FAT2: variants seen among roughly 807,000 people sequenced by gnomAD.
FAT2 encodes FAT atypical cadherin 2, also known as protocadherin Fat 2.
In FAT2, 150 loss-of-function variants were observed where a neutral mutation model predicts 295.3. The observed-to-expected ratio is 0.51, with a 90% CI of 0.44 to 0.58. FAT2 has a LOEUF of 0.58. Among genes scored for constraint, FAT2 ranks in the 20% least tolerant of loss-of-function variants. FAT2 has a pLI of 0.00. For synonymous variants in FAT2, 2,026 were observed against 2,150.3 expected, an observed-to-expected ratio of 0.94 and a Z score of 1.60; for missense variants, 4,868 against 5,442.7, an observed-to-expected ratio of 0.89 and a Z score of 3.32.
intron 18 of FAT2, among the ~76,000 whole-genome samples, chr5:151,523,200 T>C (rs955661593): frequency 6.6e-6 from 1 of 152,182 alleles, no homozygotes; most frequent in African/African-American, 2.4e-5. Flanking sequence ...GAGATATTAA[T>C]AGCAACAATA....
intron 17 of FAT2, among the ~76,000 whole-genome samples, chr5:151,526,635 C>T (rs968266114): frequency 2.6e-5 from 4 of 152,142 alleles, no homozygotes; most frequent in African/African-American, 4.8e-5. Flanking sequence ...TGTGGACTGG[C>T]GATATTCTCA....
Position 151,507,392 on chromosome 5 carries a change from A to G in FAT2, c.12279T>C (p.Val4093=). The G allele has an allele frequency of 6.2e-7, 1 of 1,614,178 alleles. No individual in the cohort carries two copies. The highest frequency in any genetic ancestry group is 8.5e-7 in the Non-Finnish European group (1 of 1,180,020). The stretch of plus-strand genomic sequence containing the variant: ...CGATGGCAGGCATGGCTTGGGTGTC[A>G]ACACCAACACTCCTGGCCAGGAGGT... ...DPDLLARSVG[V]DTQAMPAIEL... Residue 4093 remains valine (V), a synonymous_variant, in exon 23 of 24, where the codon GTT becomes GTC. Coordinates refer to ENST00000261800, the MANE Select transcript of FAT2 (RefSeq NM_001447.3).
chr5:151,576,465 T>C (rs1758750148), intron 1 of FAT2, among the ~76,000 whole-genome samples: 1 of 152,234 alleles, frequency 6.6e-6, no homozygotes, highest in African/African-American at 2.4e-5. Flanking sequence ...TAAACATCTT[T>C]TCAGGAATGA....
In FAT2 at chr5:151,538,028, A is replaced by G. The variant is rs1308713532; in HGVS notation, c.9040-82T>C. 1.4e-5 allele frequency: 18 copies of G among 1,278,726 alleles called. No individual in the cohort carries two copies. The South Asian group carries it at 2.5e-4, about 18-fold the overall frequency. The allele number at this position is 1,278,726 out of a possible 1,614,324, so 79.2% of individuals were successfully genotyped here. A position where few individuals can be genotyped will look rare whatever the true frequency, so the allele number is the denominator to read the frequency against. On this transcript the variant is annotated intron_variant, in intron 11 of 23. Coordinates refer to ENST00000261800, the MANE Select transcript of FAT2 (RefSeq NM_001447.3). ...GAGAAGCAGAGTGACTGACTGAGGG[A>G]GGCAGAAGCAGAAAGAGAGACACTA...
intron 18 of FAT2, among the ~76,000 whole-genome samples, chr5:151,522,768 T>G (rs1422693879): frequency 6.6e-6 from 1 of 152,064 alleles, no homozygotes; most frequent in South Asian, 2.1e-4. Context: ...TGTAAGGTCC[T>G]GGGGTAGGAA....
At chr5:151,593,525 C>A (rs944704317), upstream of FAT2, among the ~76,000 whole-genome samples, 1 of 152,190 alleles carries the variant, frequency 6.6e-6, no homozygotes, top group Non-Finnish European at 1.5e-5. Flanking sequence ...CCTCCAGTCT[C>A]CCATGCACCA....
chr5:151,569,378 A>C (rs1758435200), intron 1 of FAT2, among the ~76,000 whole-genome samples: 1 of 152,154 alleles, frequency 6.6e-6, no homozygotes, highest in African/African-American at 2.4e-5. Flanking sequence ...AAACCATCAG[A>C]TCTCATGAGA....
At position 151,543,493 on chromosome 5, in the gene FAT2, C is replaced by T. The variant is rs774301117; in HGVS notation, c.7634G>A (p.Arg2545Gln). ...GQIATLQKLDRENSTERVIAI... is the reference protein window; with the variant it reads ...GQIATLQKLDQENSTERVIAI... ...AATGACTCTCTCTGTTGAATTTTCC[C>T]GATCCAGTTTCTGCAGAGTGGCAAT... is the stretch of plus-strand genomic sequence containing the variant. The change falls in exon 10 of 24, where the codon CGG becomes CAG. Residue 2545 changes from arginine (R) to glutamine (Q), a missense_variant. Transcript: ENST00000261800. 9 of 1,614,152 alleles carry T rather than the reference C, an allele frequency of 5.6e-6. No homozygotes were observed. The highest frequency in any genetic ancestry group is 7.6e-6 in the Non-Finnish European group (9 of 1,180,022).
At chr5:151,526,847 C>T (rs887621420) in intron 17 of FAT2, among the ~76,000 whole-genome samples, 2 of 152,200 alleles carry the variant, frequency 1.3e-5, no homozygotes, top group Non-Finnish European at 2.9e-5. Context: ...AAGGCCCTCT[C>T]CAAATCCTAT....
intron 2 of FAT2, 27 bp downstream of exon 2, chr5:151,565,646 C>T: frequency 6.6e-7 from 1 of 1,513,840 alleles, no homozygotes. Flanking sequence ...CTGGCCCTGG[C>T]ACCCCACCCT....
intron 20 of FAT2, among the ~76,000 whole-genome samples, chr5:151,517,089 CAG>C (rs941723793): frequency 7.1e-6 from 1 of 140,922 alleles, no homozygotes; most frequent in Non-Finnish European, 1.5e-5. Flanking sequence ...GCCTCGGTGA[CAG>C]AGAGAGACTC....
In FAT2 at chr5:151,553,386, A is replaced by G. The variant is rs2127627982; in HGVS notation, c.3947T>C (p.Ile1316Thr). 2 of 1,613,982 alleles carry G rather than the reference A, an allele frequency of 1.2e-6. No individual in the cohort carries two copies. Among genetic ancestry groups the G allele is most frequent in the Non-Finnish European group, 1.7e-6 (2 of 1,179,938 alleles). Residue 1316 changes from isoleucine (I) to threonine (T), a missense_variant and splice_region_variant, in exon 6 of 24, where the codon ATC becomes ACC. Ile to Thr is a moderately conservative substitution (Grantham distance 89). Coordinates refer to ENST00000261800, the MANE Select transcript of FAT2 (RefSeq NM_001447.3). ...TGGCTGCCCACTGTCTGTTGCCTTG[A>G]TCTGAAAGGAGGCCAACACCAAAAC... ...FTAGEYNILT[I>T]KATDSGQPPL...
At position 151,529,161 on chromosome 5, in the gene FAT2, A is replaced by T. The variant is rs758176657; in HGVS notation, c.10026+17T>A. The T allele has an allele frequency of 1.7e-5, 28 of 1,610,658 alleles. No homozygotes were observed. Among genetic ancestry groups the T allele is most frequent in the Non-Finnish European group, 2.2e-5 (26 of 1,177,110 alleles). On this transcript the variant is annotated intron_variant, in intron 15 of 23. Coordinates refer to ENST00000261800, the MANE Select transcript of FAT2 (RefSeq NM_001447.3). ...CAGAGTTCTTGTCCCACAAAGAGCA[A>T]GGTGGCAGATCCTTACCGTGAGGAT... is the stretch of plus-strand genomic sequence containing the variant.
chr5:151,528,499 G>A (rs1295332786), intron 15 of FAT2, among the ~76,000 whole-genome samples: 2 of 152,196 alleles, frequency 1.3e-5, no homozygotes, highest in Admixed American at 6.5e-5. Flanking sequence ...TTACACTGGG[G>A]AGATTAGAAA....
chr5:151,567,339 G>A lies in FAT2; in HGVS notation c.1593C>T (p.Phe531=), dbSNP rs1256300189. 1 of 1,614,106 alleles carries A rather than the reference G, an allele frequency of 6.2e-7. No homozygotes were observed. The change falls in exon 2 of 24, where the codon TTC becomes TTT. Residue 531 remains phenylalanine, a synonymous_variant. Coordinates refer to ENST00000261800, the MANE Select transcript of FAT2 (RefSeq NM_001447.3). ...DYELMKRIYT[F]RVRASDWGSP... is the part of the protein sequence containing the mutation. Reference sequence around the variant, plus strand: ...ATCCCCAGTCTGATGCTCTTACCCGGAAGGTATAAATTCTTTTCATGAGTT... The same window carrying A: ...ATCCCCAGTCTGATGCTCTTACCCGAAAGGTATAAATTCTTTTCATGAGTT...
upstream of FAT2, among the ~76,000 whole-genome samples, chr5:151,594,020 A>C (rs1197819484): frequency 6.6e-6 from 1 of 152,180 alleles, no homozygotes; most frequent in Admixed American, 6.5e-5. Context: ...ATAATAAAAT[A>C]ATAACAGCTC....
intron 11 of FAT2, among the ~76,000 whole-genome samples, chr5:151,538,276 G>A (rs1394695548): frequency 6.6e-6 from 1 of 152,228 alleles, no homozygotes; most frequent in East Asian, 1.9e-4. Context: ...AGAAGGGACT[G>A]CTACAATTTC....
chr5:151,505,963 C>G lies in FAT2; in HGVS notation c.12652G>C (p.Glu4218Gln). The G allele has an allele frequency of 6.4e-7, 1 of 1,573,346 alleles. No homozygotes were observed. Among genetic ancestry groups the G allele is most frequent in the Non-Finnish European group, 8.6e-7 (1 of 1,163,596 alleles). Residue 4218 changes from glutamate (E) to glutamine (Q), a missense_variant, in exon 24 of 24, where the codon GAG becomes CAG. Around this residue, in one of 5 missense-constraint regions of FAT2, gnomAD observed 492 missense variants for 482.6 expected, o/e 1.02. Coordinates refer to ENST00000261800, the MANE Select transcript of FAT2 (RefSeq NM_001447.3). ...AAGCCCCCATAGAGGCCATTAGGCT[C>G]TGGCATCACGACTGGGGTTGAGTGG... ...HRHSTPVVMP[E>Q]PNGLYGGFPF...
At chr5:151,527,951 C>G in intron 16 of FAT2, 45 bp downstream of exon 16, 1 of 1,599,926 alleles carries the variant, frequency 6.3e-7, no homozygotes, top group Non-Finnish European at 8.5e-7. Flanking sequence ...GGGACTGTGT[C>G]TCTGCTCTAA....
Sources: gnomAD v4.1 joint callset for allele counts (sites outside exome capture counted in the v4.1 genomes callset) on GRCh38, gnomAD v4.1.1 for gene constraint, gnomAD v4.1.1 regional missense constraint, MANE v1.5 for transcripts, NCBI Gene and HGNC (gene_info 2026-07-23, HGNC 2026-07-21) for gene names.